Variants in ARHGAP17 observed in about 807,000 individuals in gnomAD.
ARHGAP17 encodes the protein Rho GTPase activating protein 17, also known as rho GTPase-activating protein 17.
A neutral mutation model predicts 99.5 loss-of-function variants in ARHGAP17; 57 were observed. The ratio of observed to expected loss-of-function variants is 0.57; its 90% CI spans 0.46 to 0.71. The LOEUF (loss-of-function observed/expected upper bound fraction) is 0.71. ARHGAP17 is among the 30% of genes least tolerant of loss of function. The pLI is 0.00. For missense variants in ARHGAP17, 1,000 were observed against 1,122.4 expected (o/e 0.89, Z 1.56); for synonymous variants, 417 against 429.6 (o/e 0.97, Z 0.36).
intron 19 of ARHGAP17, among the ~76,000 whole-genome samples, chr16:24,924,957 A>G (rs1225779272): frequency 6.6e-6 from 1 of 152,196 alleles, no homozygotes; most frequent in Non-Finnish European, 1.5e-5. Flanking sequence ...CCTGTCATAT[A>G]AACTTAGCTC....
chr16:24,980,558 G>T (rs113488975), intron 1 of ARHGAP17, among the ~76,000 whole-genome samples: 1 of 152,148 alleles, frequency 6.6e-6, no homozygotes, highest in Non-Finnish European at 1.5e-5. Context: ...TGCTTGGCAA[G>T]CAAGGTGCCA....
At chr16:24,964,773 A>C (rs2052121626) in intron 6 of ARHGAP17, among the ~76,000 whole-genome samples, 1 of 152,140 alleles carries the variant, frequency 6.6e-6, no homozygotes, top group African/African-American at 2.4e-5. Context: ...ACCATCTGTG[A>C]CCTGGGATTA....
At chr16:24,994,162 G>A (rs1306794094) in intron 1 of ARHGAP17, among the ~76,000 whole-genome samples, 2 of 152,170 alleles carry the variant, frequency 1.3e-5, no homozygotes, top group Non-Finnish European at 2.9e-5. Flanking sequence ...AGTTTTTGAG[G>A]GATGATGGTA....
At chr16:24,999,423 A>C (rs2053297113) in intron 1 of ARHGAP17, among the ~76,000 whole-genome samples, 2 of 151,446 alleles carry the variant, frequency 1.3e-5, no homozygotes, top group Admixed American at 6.6e-5. Flanking sequence ...TTATTTATTT[A>C]TTTATTTTTT....
chr16:24,994,550 A>C (rs2053140228), intron 1 of ARHGAP17, among the ~76,000 whole-genome samples: 1 of 152,226 alleles, frequency 6.6e-6, no homozygotes. Flanking sequence ...GGACGGTTCC[A>C]ACAGGGAAGT....
At chr16:24,973,188 G>T (rs757501980) in intron 3 of ARHGAP17, among the ~76,000 whole-genome samples, 1 of 152,138 alleles carries the variant, frequency 6.6e-6, no homozygotes, top group African/African-American at 2.4e-5. Context: ...CATGCCAATC[G>T]CACAAAAAGA....
At chr16:25,001,476 A>T (rs2053358387) in intron 1 of ARHGAP17, among the ~76,000 whole-genome samples, 1 of 152,238 alleles carries the variant, frequency 6.6e-6, no homozygotes, top group African/African-American at 2.4e-5. Flanking sequence ...CTCAATCAAA[A>T]TCCTAAATAA....
At chr16:24,934,407 C>T (rs745685701) in intron 18 of ARHGAP17, among the ~76,000 whole-genome samples, 64 of 152,232 alleles carry the variant, frequency 4.2e-4, no homozygotes, top group Non-Finnish European at 7.6e-4. Flanking sequence ...CCACCCACCC[C>T]GGCCTCCCAA....
At chr16:24,965,198 C>T (rs371620682) in intron 6 of ARHGAP17, among the ~76,000 whole-genome samples, 6 of 152,128 alleles carry the variant, frequency 3.9e-5, no homozygotes, top group Non-Finnish European at 7.4e-5. Flanking sequence ...TGGCCGGGTG[C>T]GTTGGCTCAC....
intron 17 of ARHGAP17, among the ~76,000 whole-genome samples, chr16:24,938,773 G>GAA (rs111587139): frequency 1.5e-4 from 12 of 81,136 alleles, no homozygotes; most frequent in Non-Finnish European, 3.2e-4. Flanking sequence ...CGCAGTCTCA[G>GAA]AAAAAAAAAA....
chr16:24,938,151 C>T (rs920144248), intron 17 of ARHGAP17, among the ~76,000 whole-genome samples: 1 of 152,150 alleles, frequency 6.6e-6, no homozygotes, highest in Non-Finnish European at 1.5e-5. Flanking sequence ...CACCTGAGGT[C>T]AGGAGTTTGA....
Position 24,939,483 on chromosome 16 carries a change from C to T in ARHGAP17, c.1605G>A (p.Val535=). ...GAGGGGGCTCTGGGCCAGCGGGCAC[C>T]ACGGTGCTGCCATCTGTGGGCGGAA... is the stretch of plus-strand genomic sequence containing the variant. ...PPLPPTDGST[V]VPAGPEPPPQ... Residue 535 remains valine (V), a synonymous_variant, in exon 17 of 20, where the codon GTG becomes GTA. Transcript: ENST00000289968. 1 of 1,611,300 alleles carries T rather than the reference C, an allele frequency of 6.2e-7. No homozygotes were observed. The highest frequency in any genetic ancestry group is 2.2e-5 in the East Asian group (1 of 44,842).
Position 24,939,573 on chromosome 16 carries a change from G to C in ARHGAP17, c.1515C>G (p.Phe505Leu). 6.2e-7 allele frequency: 1 copy of C among 1,607,330 alleles called. No homozygotes were observed. Among genetic ancestry groups the C allele is most frequent in the South Asian group, 1.1e-5 (1 of 89,330 alleles). ...GAGTGCCACCCCGCCGGTGGGCCTG[G>C]AAGTCCATAAGCTTCACACCAAAGC... is the stretch of plus-strand genomic sequence containing the variant. ...KESFGVKLMD[F>L]QAHRRGGTLN... Residue 505 changes from phenylalanine (F) to leucine (L), a missense_variant, in exon 17 of 20, where the codon TTC becomes TTG. By Grantham distance (22) the Phe-to-Leu change is conservative. Transcript: ENST00000289968.
chr16:24,973,313 T>C (rs1053461933), intron 3 of ARHGAP17, among the ~76,000 whole-genome samples: 1 of 152,224 alleles, frequency 6.6e-6, no homozygotes, highest in Admixed American at 6.5e-5. Flanking sequence ...CCTTCTATTC[T>C]TGCCTCTTCC....
At chr16:24,992,298 T>C (rs1231400748) in intron 1 of ARHGAP17, among the ~76,000 whole-genome samples, 1 of 152,126 alleles carries the variant, frequency 6.6e-6, no homozygotes, top group African/African-American at 2.4e-5. Flanking sequence ...AGAGCCCAAA[T>C]AGTCATCCTG....
intron 1 of ARHGAP17, among the ~76,000 whole-genome samples, chr16:24,997,903 A>C (rs991999352): frequency 6.6e-6 from 1 of 152,214 alleles, no homozygotes; most frequent in Admixed American, 6.5e-5. Flanking sequence ...ATGGTTCTGA[A>C]GCACAGAAAA....
chr16:24,978,289 C>T (rs1286465366), intron 2 of ARHGAP17, among the ~76,000 whole-genome samples: 2 of 152,194 alleles, frequency 1.3e-5, no homozygotes, highest in African/African-American at 4.8e-5. Context: ...TGATTTCTCC[C>T]AGTGCCTGGG....
At chr16:24,960,925 G>A (rs1259492571) in intron 7 of ARHGAP17, among the ~76,000 whole-genome samples, 1 of 151,830 alleles carries the variant, frequency 6.6e-6, no homozygotes, top group Non-Finnish European at 1.5e-5. Context: ...AAGCTGAAGT[G>A]CAGTGGCACA....
At chr16:24,981,873 A>C (rs966318784) in intron 1 of ARHGAP17, among the ~76,000 whole-genome samples, 3 of 152,186 alleles carry the variant, frequency 2.0e-5, no homozygotes, top group Non-Finnish European at 1.5e-5. Flanking sequence ...CTAAAATGTA[A>C]AGAAAATCAG....
Sources: allele counts gnomAD v4.1 joint callset (sites outside exome capture counted in the v4.1 genomes callset), GRCh38; gene constraint gnomAD v4.1.1; transcripts MANE v1.5; gene names NCBI Gene and HGNC (gene_info 2026-07-23, HGNC 2026-07-21).